The following SLC24A3 variants were observed in gnomAD, a reference collection of about 807,000 sequenced individuals.
The protein encoded by SLC24A3 is sodium/potassium/calcium exchanger 3.
Under a neutral mutation model 75.8 loss-of-function variants are expected in SLC24A3, and 28 were observed. That is an observed-to-expected ratio of 0.37 (90% CI 0.27 to 0.51). SLC24A3 has a LOEUF of 0.51. Among genes scored for constraint, SLC24A3 ranks in the 20% least tolerant of loss-of-function variants. The probability of loss-of-function intolerance (pLI) is 0.94; values close to 1 mark genes in which losing one functional copy is unlikely to be tolerated. For synonymous variants in SLC24A3, 372 were observed against 334.1 expected (o/e 1.11, Z -1.24); for missense variants, 663 against 847.8 (o/e 0.78, Z 2.71).
intron 2 of SLC24A3, among the ~76,000 whole-genome samples, chr20:19,302,789 G>A (rs910887901): frequency 2.0e-5 from 3 of 152,144 alleles, no homozygotes; most frequent in Non-Finnish European, 2.9e-5. Flanking sequence ...TTTAACTGCT[G>A]TCTAGTATTC....
chr20:19,631,466 T>C (rs1422264666), intron 6 of SLC24A3, among the ~76,000 whole-genome samples: 1 of 152,172 alleles, frequency 6.6e-6, no homozygotes, highest in East Asian at 1.9e-4. Flanking sequence ...TAAGTATAGG[T>C]GCTCCTTGAC....
chr20:19,606,050 G>A (rs2031592952), intron 6 of SLC24A3, among the ~76,000 whole-genome samples: 1 of 152,196 alleles, frequency 6.6e-6, no homozygotes, highest in East Asian at 1.9e-4. Context: ...TGGCCAGCAT[G>A]AGCAGCAAAG....
At chr20:19,405,966 G>T (rs954276697) in intron 2 of SLC24A3, among the ~76,000 whole-genome samples, 3 of 152,124 alleles carry the variant, frequency 2.0e-5, no homozygotes, top group Non-Finnish European at 4.4e-5. Flanking sequence ...TAAATATTCT[G>T]CCAGCAAATA....
chr20:19,685,083 C>A lies in SLC24A3; in HGVS notation c.1063-17C>A. ...AATCCCTCTGACCGTGGTAAGAGTG[C>A]GCCTTTCTCTTTCCAGAGACAAAGA... On this transcript the variant is annotated splice_polypyrimidine_tract_variant and intron_variant, in intron 11 of 16. Transcript: ENST00000328041. The A allele has an allele frequency of 6.3e-7, 1 of 1,589,402 alleles. No individual in the cohort carries two copies. Among genetic ancestry groups the A allele is most frequent in the Admixed American group, 1.7e-5 (1 of 58,394 alleles).
chr20:19,676,466 C>T (rs923281376), intron 9 of SLC24A3, among the ~76,000 whole-genome samples: 4 of 152,202 alleles, frequency 2.6e-5, no homozygotes, highest in African/African-American at 9.6e-5. Flanking sequence ...AATCTCTGCT[C>T]TTTAGCCATC....
Position 19,474,633 on chromosome 20 carries a change from G to A in SLC24A3, c.272-40855G>A, listed in dbSNP as rs1268196128. Among the ~76,000 whole-genome samples, 5 of 152,192 alleles carry A rather than the reference G, an allele frequency of 3.3e-5. No homozygotes were observed. In the South Asian group the frequency reaches 1.0e-3, roughly 32 times the overall value. On this transcript the variant is annotated intron_variant, in intron 2 of 16. Coordinates refer to ENST00000328041, the MANE Select transcript of SLC24A3 (RefSeq NM_020689.4). Reference sequence around the variant, plus strand: ...TTTTTCTGTATTGTATGTATTTAGGGGGTGCAACAAGATGTTTTGATATAT... The same window carrying A: ...TTTTTCTGTATTGTATGTATTTAGGAGGTGCAACAAGATGTTTTGATATAT...
At chr20:19,717,276 C>T (rs1253206752) in intron 15 of SLC24A3, among the ~76,000 whole-genome samples, 1 of 152,296 alleles carries the variant, frequency 6.6e-6, no homozygotes, top group Admixed American at 6.5e-5. Context: ...CAGCCAGGGG[C>T]CTGCTATTGA....
At chr20:19,673,455 C>T in intron 8 of SLC24A3, 146 bp from the exon 9 acceptor site, 1 of 670,882 alleles carries the variant, frequency 1.5e-6, no homozygotes, top group Non-Finnish European at 2.7e-6. Flanking sequence ...GAGAATGTCT[C>T]TAGACCAGGA....
At chr20:19,540,246 T>C (rs2122586308) in intron 3 of SLC24A3, among the ~76,000 whole-genome samples, 1 of 152,268 alleles carries the variant, frequency 6.6e-6, no homozygotes, top group East Asian at 1.9e-4. Flanking sequence ...ACACGTTCAG[T>C]GCAGAGCTGC....
intron 6 of SLC24A3, among the ~76,000 whole-genome samples, chr20:19,596,556 G>T (rs1055730021): frequency 6.6e-6 from 1 of 152,144 alleles, no homozygotes; most frequent in African/African-American, 2.4e-5. Flanking sequence ...CTGAGTAAAT[G>T]GTGAGATTTT....
At chr20:19,299,878 T>C (rs757464562) in intron 2 of SLC24A3, among the ~76,000 whole-genome samples, 10 of 152,216 alleles carry the variant, frequency 6.6e-5, no homozygotes, top group Non-Finnish European at 1.3e-4. Context: ...GGAATTTGTA[T>C]TTCACACAAA....
chr20:19,497,401 T>A (rs1988308182), intron 2 of SLC24A3, among the ~76,000 whole-genome samples: 1 of 152,018 alleles, frequency 6.6e-6, no homozygotes, highest in South Asian at 2.1e-4. Context: ...TCCTCCGGGG[T>A]CATGTTTCTC....
chr20:19,696,738 C>A, intron 13 of SLC24A3, 59 bp from the exon 14 acceptor site: 1 of 1,171,816 alleles, frequency 8.5e-7, no homozygotes. Flanking sequence ...TCAGAAGAAT[C>A]ATGGGCAGGT....
intron 2 of SLC24A3, among the ~76,000 whole-genome samples, chr20:19,432,192 C>T (rs1231969398): frequency 1.3e-5 from 2 of 151,382 alleles, no homozygotes; most frequent in Non-Finnish European, 2.9e-5. Flanking sequence ...AAAGCCAACC[C>T]CCAATGCGGG....
chr20:19,715,705 A>G (rs1027641741), intron 15 of SLC24A3, among the ~76,000 whole-genome samples: 1 of 152,202 alleles, frequency 6.6e-6, no homozygotes, highest in African/African-American at 2.4e-5. Flanking sequence ...TGCACACTCC[A>G]GTAGTGAACT....
At chr20:19,567,894 G>T (rs940277485) in intron 3 of SLC24A3, among the ~76,000 whole-genome samples, 1 of 152,070 alleles carries the variant, frequency 6.6e-6, no homozygotes, top group Non-Finnish European at 1.5e-5. Context: ...CTGATAAGGG[G>T]TTAATATCCA....
intron 2 of SLC24A3, among the ~76,000 whole-genome samples, chr20:19,506,264 A>G (rs1380938954): frequency 2.6e-5 from 4 of 152,224 alleles, no homozygotes; most frequent in Non-Finnish European, 5.9e-5. Context: ...TTGATTGGCA[A>G]TACCATTTTG....
At chr20:19,265,093 A>G (rs1205082056) in intron 1 of SLC24A3, among the ~76,000 whole-genome samples, 1 of 152,144 alleles carries the variant, frequency 6.6e-6, no homozygotes, top group Non-Finnish European at 1.5e-5. Context: ...CAAACACTAT[A>G]TTGCAACGTA....
chr20:19,604,834 A>G (rs1231223270), intron 6 of SLC24A3, among the ~76,000 whole-genome samples: 2 of 151,948 alleles, frequency 1.3e-5, no homozygotes, highest in Non-Finnish European at 2.9e-5. Flanking sequence ...AAAGCACCCC[A>G]CCTTCCCTCA....
Sources: gnomAD v4.1 joint callset for allele counts (sites outside exome capture counted in the v4.1 genomes callset) on GRCh38, gnomAD v4.1.1 for gene constraint, MANE v1.5 for transcripts, NCBI Gene and HGNC (gene_info 2026-07-23, HGNC 2026-07-21) for gene names.